The following GRIK4 variants were observed in gnomAD, a reference collection of about 807,000 sequenced individuals.
GRIK4 encodes the protein glutamate ionotropic receptor kainate type subunit 4.
In GRIK4, 40 loss-of-function variants were observed where a neutral mutation model predicts 104.9. The ratio of observed to expected loss-of-function variants is 0.38; its 90% confidence interval spans 0.30 to 0.50. GRIK4 has a LOEUF of 0.50. GRIK4 is among the 20% of genes least tolerant of loss of function. The pLI, the probability that GRIK4 is intolerant of heterozygous loss-of-function variation, is 0.93. For synonymous variants in GRIK4, 485 were observed against 524.9 expected (o/e 0.92, Z 1.04); for missense variants, 1,047 against 1,308.1 (o/e 0.80, Z 3.08).
intron 3 of GRIK4, among the ~76,000 whole-genome samples, chr11:120,736,868 G>A (rs1319913262): frequency 2.0e-5 from 3 of 151,972 alleles, no homozygotes; most frequent in Non-Finnish European, 4.4e-5. Context: ...CCCAGATGTG[G>A]TTGTGATATA....
intron 6 of GRIK4, among the ~76,000 whole-genome samples, chr11:120,822,287 T>C (rs1424325252): frequency 6.7e-6 from 1 of 149,462 alleles, no homozygotes; most frequent in Non-Finnish European, 1.5e-5. Flanking sequence ...AGGGCTTCCA[T>C]GAAAGGGGTT....
intron 1 of GRIK4, among the ~76,000 whole-genome samples, chr11:120,624,833 C>A (rs927256430): frequency 6.6e-6 from 1 of 152,146 alleles, no homozygotes; most frequent in Non-Finnish European, 1.5e-5. Flanking sequence ...GTATAGAAAG[C>A]TACACAGAAA....
chr11:120,986,307 AGGGGC>A lies in GRIK4; in HGVS notation c.*56_*60del. On this transcript the variant is annotated 3_prime_UTR_variant, in exon 21 of 21. Transcript: ENST00000527524. ...CAGAGGCCGGGCGGGGCGGGAGGGG[AGGGGC>A]GGGGCGGGCGCTGCTGTCAGCCGCC... is the stretch of plus-strand genomic sequence containing the variant. 5 of 536,662 alleles carry A rather than the reference AGGGGC, an allele frequency of 9.3e-6. No homozygotes were observed. Among genetic ancestry groups the A allele is most frequent in the Non-Finnish European group, 1.4e-5 (5 of 365,538 alleles). The allele number at this position is 536,662 out of a possible 1,614,324, so 33.2% of individuals were successfully genotyped here.
intron 11 of GRIK4, chr11:120,894,572 A>C (rs1185590461): frequency 2.0e-5 from 3 of 152,286 alleles, no homozygotes; most frequent in African/African-American, 7.2e-5. Flanking sequence ...GGGCCTCTAA[A>C]CAGTGGAAAG....
At chr11:120,630,393 C>G (rs1294195233) in intron 1 of GRIK4, among the ~76,000 whole-genome samples, 1 of 152,252 alleles carries the variant, frequency 6.6e-6, no homozygotes, top group Non-Finnish European at 1.5e-5. Flanking sequence ...GAATAAGAAT[C>G]TCTTTGGGTT....
intron 1 of GRIK4, among the ~76,000 whole-genome samples, chr11:120,609,623 T>C (rs1440000019): frequency 7.1e-6 from 1 of 141,384 alleles, no homozygotes; most frequent in African/African-American, 2.6e-5. Context: ...CCAGCAATTC[T>C]CCTGCCTCAG....
At position 120,662,681 on chromosome 11, in the gene GRIK4, G is replaced by A. The variant is rs868374911; in HGVS notation, c.82+2281G>A. ...CTTGAGAGGCTTATGGGAAGGGAAG[G>A]GGCTGCTGCTCCTCTCGCCTTCCCA... On this transcript the variant is annotated intron_variant, in intron 3 of 20. Coordinates refer to ENST00000527524, the MANE Select transcript of GRIK4 (RefSeq NM_014619.5). 2.6e-5 allele frequency among the ~76,000 whole-genome samples: 4 copies of A among 152,232 alleles called. 1 individual carries two copies. The Middle Eastern group carries it at 0.014, about 518-fold the overall frequency.
intron 3 of GRIK4, among the ~76,000 whole-genome samples, chr11:120,757,836 C>T (rs1217470930): frequency 1.3e-5 from 2 of 152,156 alleles, no homozygotes; most frequent in Non-Finnish European, 2.9e-5. Flanking sequence ...TCCCACCCCG[C>T]ACAGGGTGTG....
chr11:120,601,572 G>A (rs1017320403), intron 1 of GRIK4, among the ~76,000 whole-genome samples: 1 of 151,226 alleles, frequency 6.6e-6, no homozygotes, highest in Non-Finnish European at 1.5e-5. Flanking sequence ...AGGAGGGGAG[G>A]CTTTTTCTCA....
At chr11:120,554,756 A>C (rs943315229) in intron 1 of GRIK4, among the ~76,000 whole-genome samples, 1 of 152,038 alleles carries the variant, frequency 6.6e-6, no homozygotes, top group Non-Finnish European at 1.5e-5. Context: ...ACGGAGTTTC[A>C]CCATGTTAGC....
intron 13 of GRIK4, among the ~76,000 whole-genome samples, chr11:120,913,149 C>G (rs984973505): frequency 1.4e-4 from 21 of 152,166 alleles, no homozygotes; most frequent in Non-Finnish European, 1.6e-4. Flanking sequence ...CAAAATGAAC[C>G]ACTGCCAGTT....
intron 3 of GRIK4, among the ~76,000 whole-genome samples, chr11:120,711,083 AGG>A (rs1950727567): frequency 6.6e-6 from 1 of 151,832 alleles, no homozygotes; most frequent in Admixed American, 6.6e-5. Context: ...GCTGAGCTGT[AGG>A]AGACAGTGAG....
At chr11:120,584,686 A>G (rs1794108980) in intron 1 of GRIK4, among the ~76,000 whole-genome samples, 1 of 152,248 alleles carries the variant, frequency 6.6e-6, no homozygotes, top group African/African-American at 2.4e-5. Context: ...AGATTTGGGC[A>G]GGACAAATAT....
intron 1 of GRIK4, among the ~76,000 whole-genome samples, chr11:120,608,091 G>A (rs868370342): frequency 3.9e-5 from 6 of 152,334 alleles, no homozygotes; most frequent in African/African-American, 1.4e-4. Context: ...GCAGCTGTAC[G>A]AGGTTTTTGA....
intron 3 of GRIK4, among the ~76,000 whole-genome samples, chr11:120,784,959 C>T (rs1952234156): frequency 6.6e-6 from 1 of 152,162 alleles, no homozygotes; most frequent in African/African-American, 2.4e-5. Flanking sequence ...TTATCCCGGA[C>T]AATGAAGCTG....
At chr11:120,931,221 C>G (rs1943474593) in intron 13 of GRIK4, among the ~76,000 whole-genome samples, 1 of 152,178 alleles carries the variant, frequency 6.6e-6, no homozygotes, top group African/African-American at 2.4e-5. Context: ...CAGGTCAGAG[C>G]AGGTGGAGGG....
At chr11:120,698,185 T>C (rs1200240008) in intron 3 of GRIK4, among the ~76,000 whole-genome samples, 1 of 152,164 alleles carries the variant, frequency 6.6e-6, no homozygotes, top group Non-Finnish European at 1.5e-5. Flanking sequence ...ACATACATGA[T>C]TTTTAAAATA....
chr11:120,913,057 C>T (rs1406560368), intron 13 of GRIK4, among the ~76,000 whole-genome samples: 1 of 152,208 alleles, frequency 6.6e-6, no homozygotes, highest in Non-Finnish European at 1.5e-5. Flanking sequence ...CAAGCATTAG[C>T]TCTTTCATCC....
In GRIK4 at chr11:120,595,193, T is replaced by C. The variant is rs116819110; in HGVS notation, c.-158-58492T>C. 6.1e-3 allele frequency among the ~76,000 whole-genome samples: 927 copies of C among 152,378 alleles called. 3 individuals are homozygous for C. The highest frequency in any genetic ancestry group is 0.021 in the African/African-American group (860 of 41,584). ...CCACTCTCCCTGGCCTTGCAGCCCG[T>C]GGTCGTGCTGTGCCCTCTCCTGCCT... On this transcript the variant is annotated intron_variant, in intron 1 of 20. Transcript: ENST00000527524.
Sources: allele counts gnomAD v4.1 joint callset (sites outside exome capture counted in the v4.1 genomes callset), GRCh38; gene constraint gnomAD v4.1.1; transcripts MANE v1.5; gene names NCBI Gene and HGNC (gene_info 2026-07-23, HGNC 2026-07-21).